DYSF: variants seen among roughly 807,000 people sequenced by gnomAD.
DYSF encodes the protein dysferlin.
In DYSF, 212 loss-of-function variants were observed where a neutral mutation model predicts 274.9. That is an observed-to-expected ratio of 0.77 (90% CI 0.69 to 0.86). The LOEUF (loss-of-function observed/expected upper bound fraction) is 0.86, where lower values mean the gene tolerates loss of function less well. Ranked by LOEUF, DYSF falls within the 40% of genes least tolerant of loss-of-function variation. DYSF has a pLI of 0.00. For synonymous variants in DYSF, 1,091 were observed against 1,078.7 expected, an observed-to-expected ratio of 1.01 and a Z score of -0.22; for missense variants, 2,666 against 2,783.2, an observed-to-expected ratio of 0.96 and a Z score of 0.95.
In DYSF at chr2:71,669,701, C is replaced by G. The variant is rs763546773; in HGVS notation, c.5739C>G (p.Pro1913=). 2 of 1,614,202 alleles carry G rather than the reference C, an allele frequency of 1.2e-6. No homozygotes were observed. Among genetic ancestry groups the G allele is most frequent in the Admixed American group, 3.3e-5 (2 of 60,028 alleles). ...EGNFNWRFIF[P]FDYLPAEQVC... is the part of the protein sequence containing the mutation. ...ACTTCAACTGGAGGTTCATTTTCCC[C>G]TTCGACTACCTGCCAGCTGAGCAAG... Residue 1913 remains proline (P), a synonymous_variant, in exon 51 of 56, where the codon CCC becomes CCG. Coordinates refer to ENST00000410020, the MANE Select transcript of DYSF (RefSeq NM_001130987.2).
intron 4 of DYSF, among the ~76,000 whole-genome samples, chr2:71,508,638 C>T (rs574363360): frequency 2.2e-4 from 34 of 152,260 alleles, no homozygotes; most frequent in Admixed American, 3.3e-4. Flanking sequence ...ACTGATGCTG[C>T]GTGGCTGTCT....
intron 32 of DYSF, among the ~76,000 whole-genome samples, chr2:71,593,849 C>A (rs926795776): frequency 6.6e-6 from 1 of 152,164 alleles, no homozygotes; most frequent in African/African-American, 2.4e-5. Context: ...TAGGAGGGGC[C>A]CAGAAATCCC....
At chr2:71,607,809 G>C (rs1367836368) in intron 36 of DYSF, among the ~76,000 whole-genome samples, 1 of 152,164 alleles carries the variant, frequency 6.6e-6, no homozygotes, top group Non-Finnish European at 1.5e-5. Flanking sequence ...GTTCTGAGGG[G>C]GAAGATGAAG....
rs762088859 is a variant in DYSF, at chr2:71,561,788, CACCCA to C, written c.2254_2258del (p.Thr752ProfsTer18). On this transcript the variant is annotated frameshift_variant, in exon 23 of 56. Coordinates refer to ENST00000410020, the MANE Select transcript of DYSF (RefSeq NM_001130987.2). LOFTEE classifies it high-confidence loss of function. The stretch of plus-strand genomic sequence containing the variant: ...GTGACATCCATGAGACACCCTCTGC[CACCCA>C]CCTGGACCAGTACCTGTACCAGCTG... 1.2e-6 allele frequency: 2 copies of C among 1,614,182 alleles called. No individual in the cohort carries two copies. The highest frequency in any genetic ancestry group is 1.7e-6 in the Non-Finnish European group (2 of 1,180,034).
intron 19 of DYSF, 148 bp from the exon 20 acceptor site, chr2:71,552,863 T>C: frequency 1.3e-6 from 1 of 779,378 alleles, no homozygotes; most frequent in South Asian, 1.5e-5. Flanking sequence ...ATGCTGTTTC[T>C]TTCTTGGGCT....
intron 3 of DYSF, among the ~76,000 whole-genome samples, chr2:71,492,703 C>CA (rs2083969036): frequency 7.2e-6 from 1 of 138,778 alleles, no homozygotes; most frequent in Non-Finnish European, 1.6e-5. Context: ...CTTCCTCCCC[C>CA]CCCCCCTTTT....
intron 10 of DYSF, among the ~76,000 whole-genome samples, chr2:71,518,571 G>A (rs542091296): frequency 5.7e-4 from 87 of 151,794 alleles, no homozygotes; most frequent in African/African-American, 2.0e-3. Flanking sequence ...GGCCTGCATG[G>A]TGTTTTAATG....
chr2:71,656,177 C>A lies in DYSF; in HGVS notation c.4642C>A (p.Leu1548Met), dbSNP rs2152937667. The A allele has an allele frequency of 6.2e-7, 1 of 1,614,156 alleles. No homozygotes were observed. The highest frequency in any genetic ancestry group is 2.2e-5 in the East Asian group (1 of 44,884). Residue 1548 changes from leucine (L) to methionine (M), a missense_variant, in exon 43 of 56, where the codon CTG becomes ATG. Leu to Met is a conservative substitution (Grantham distance 15). This residue lies in a region of DYSF where 1,460 missense variants were observed against 1,502.1 expected (regional missense o/e 0.97). Transcript: ENST00000410020. Reference protein sequence around the residue: ...FDTLKVYDTQLENVEAFEGLS... With the variant: ...FDTLKVYDTQMENVEAFEGLS... ...TGTGTGGCAGGTCTATGACACACAG[C>A]TGGAGAATGTGGAGGCCTTTGAGGG... is the stretch of plus-strand genomic sequence containing the variant.
rs199596218 is a variant in DYSF at position 71,570,580 on chromosome 2, C to A, written c.3086-19C>A. 111 of 1,612,578 alleles carry A rather than the reference C, an allele frequency of 6.9e-5. 1 individual carries two copies. The highest frequency in any genetic ancestry group is 2.1e-5 in the Non-Finnish European group (25 of 1,179,488). The stretch of plus-strand genomic sequence containing the variant: ...GGGGGAACTGCCAAGCAATGAGTGA[C>A]CGGTTCCCCCTCCCCCAGGCTGGGA... On this transcript the variant is annotated intron_variant, in intron 28 of 55. Transcript: ENST00000410020.
intron 30 of DYSF, 33 bp downstream of exon 30, chr2:71,574,404 A>G: frequency 6.2e-7 from 1 of 1,609,150 alleles, no homozygotes; most frequent in Non-Finnish European, 8.5e-7. Flanking sequence ...TGGCTTGGGT[A>G]GGGTATATCT....
chr2:71,470,769 C>A (rs185752896), intron 1 of DYSF, among the ~76,000 whole-genome samples: 1,977 of 140,106 alleles, frequency 0.014, 68 homozygotes, highest in African/African-American at 0.051. Context: ...TCCTTCCTTC[C>A]TTCCTTCCTT....
intron 3 of DYSF, among the ~76,000 whole-genome samples, chr2:71,497,058 T>C (rs72827512): frequency 0.026 from 3,918 of 152,306 alleles, 68 homozygotes; most frequent in Middle Eastern, 0.048. Context: ...TGGACTGAAC[T>C]AATAACAGTA....
intron 41 of DYSF, among the ~76,000 whole-genome samples, chr2:71,641,178 ATTTTTT>A (rs10683765): frequency 1.6e-5 from 2 of 124,544 alleles, no homozygotes; most frequent in African/African-American, 6.4e-5. Context: ...ATGTTTATCT[ATTTTTT>A]TTTTTTTTTT....
chr2:71,657,546 G>T (rs1422536749), intron 43 of DYSF, among the ~76,000 whole-genome samples: 2 of 152,158 alleles, frequency 1.3e-5, no homozygotes, highest in East Asian at 3.8e-4. Context: ...CTCCATAAGG[G>T]CCCCACCCCT....
chr2:71,586,757 C>T (rs760994821), intron 30 of DYSF, among the ~76,000 whole-genome samples: 2 of 152,038 alleles, frequency 1.3e-5, no homozygotes, highest in African/African-American at 2.4e-5. Flanking sequence ...CATCCGCGAG[C>T]AGGGAGGTCC....
At chr2:71,543,414 C>T (rs1374421253) in intron 17 of DYSF, among the ~76,000 whole-genome samples, 6 of 141,588 alleles carry the variant, frequency 4.2e-5, no homozygotes, top group African/African-American at 8.1e-5. Flanking sequence ...ACATCCCAGA[C>T]GATGGGCGGC....
At chr2:71,525,062 TG>T (rs549353297) in intron 12 of DYSF, among the ~76,000 whole-genome samples, 2 of 152,328 alleles carry the variant, frequency 1.3e-5, no homozygotes, top group Non-Finnish European at 2.9e-5. Context: ...TGCACAGCAG[TG>T]GTCTAGAAGA....
chr2:71,647,478 G>A (rs1039113788), intron 42 of DYSF, among the ~76,000 whole-genome samples: 3 of 152,208 alleles, frequency 2.0e-5, no homozygotes, highest in African/African-American at 7.2e-5. Flanking sequence ...CTTCCAGTAT[G>A]AACATGGCTG....
At position 71,679,119 on chromosome 2, in the gene DYSF, T is replaced by G. The variant is rs2152967809; in HGVS notation, c.5947T>G (p.Leu1983Val). Reference sequence around the variant, plus strand: ...AGCCAAGACAGCCAAGAAGTGCTCCTTGGACCAGCTGGATGATGCTTTCCA... The same window carrying G: ...AGCCAAGACAGCCAAGAAGTGCTCCGTGGACCAGCTGGATGATGCTTTCCA... ...KPAKTAKKCS[L>V]DQLDDAFHPE... The change falls in exon 53 of 56, where the codon TTG becomes GTG. Residue 1983 changes from leucine to valine, a missense_variant. By Grantham distance (32) the Leu-to-Val change is conservative. Transcript: ENST00000410020. The G allele has an allele frequency of 1.2e-6, 2 of 1,614,040 alleles. No individual in the cohort carries two copies. The highest frequency in any genetic ancestry group is 2.2e-5 in the South Asian group (2 of 91,076).
Sources: gnomAD v4.1 joint callset for allele counts (sites outside exome capture counted in the v4.1 genomes callset) on GRCh38, gnomAD v4.1.1 for gene constraint, gnomAD v4.1.1 regional missense constraint, MANE v1.5 for transcripts, NCBI Gene and HGNC (gene_info 2026-07-23, HGNC 2026-07-21) for gene names.